The following RAD51B variants were observed in gnomAD, a reference collection of about 807,000 sequenced individuals.
The protein encoded by RAD51B is DNA repair protein RAD51 homolog 2.
Under a neutral mutation model 42.2 loss-of-function variants are expected in RAD51B, and 38 were observed. The observed-to-expected ratio is 0.90, with a 90% CI of 0.70 to 1.18. RAD51B has a LOEUF of 1.18. Ranked by LOEUF, RAD51B falls within the 50% of genes most tolerant of loss-of-function variation. The pLI is 0.00. For synonymous variants in RAD51B, 154 were observed against 145.2 expected, an observed-to-expected ratio of 1.06 and a Z score of -0.43; for missense variants, 373 against 400.7, an observed-to-expected ratio of 0.93 and a Z score of 0.59.
intron 7 of RAD51B, among the ~76,000 whole-genome samples, chr14:68,010,965 T>G (rs2075674061): frequency 6.6e-6 from 1 of 151,974 alleles, no homozygotes; most frequent in Non-Finnish European, 1.5e-5. Flanking sequence ...GATATAAGTT[T>G]CTTTGTAGTT....
At chr14:68,235,316 C>T (rs1223127953) in intron 7 of RAD51B, among the ~76,000 whole-genome samples, 1 of 151,800 alleles carries the variant, frequency 6.6e-6, no homozygotes, top group Non-Finnish European at 1.5e-5. Context: ...TAGCACATAA[C>T]TGTACTTGAA....
intron 7 of RAD51B, among the ~76,000 whole-genome samples, chr14:67,892,878 C>G (rs974756721): frequency 6.6e-5 from 10 of 152,258 alleles, no homozygotes; most frequent in Admixed American, 6.5e-4. Context: ...CAATTAAGCA[C>G]ATGCATGCGA....
At chr14:68,045,460 T>C (rs1336856839) in intron 7 of RAD51B, among the ~76,000 whole-genome samples, 1 of 152,136 alleles carries the variant, frequency 6.6e-6, no homozygotes, top group Non-Finnish European at 1.5e-5. Context: ...TGAGGGCAGA[T>C]CATTTAATTC....
chr14:68,233,467 T>C (rs760261008), intron 7 of RAD51B, among the ~76,000 whole-genome samples: 2 of 152,248 alleles, frequency 1.3e-5, no homozygotes, highest in Non-Finnish European at 2.9e-5. Context: ...ATAAGGTCCA[T>C]TCTCTTGCTT....
intron 7 of RAD51B, among the ~76,000 whole-genome samples, chr14:68,019,461 A>G (rs1234729349): frequency 1.3e-5 from 2 of 152,156 alleles, no homozygotes; most frequent in African/African-American, 2.4e-5. Flanking sequence ...AAAATGATTT[A>G]GGAGGTACAG....
At chr14:68,620,542 A>T (rs1337216583) in intron 10 of RAD51B, among the ~76,000 whole-genome samples, 2 of 152,232 alleles carry the variant, frequency 1.3e-5, no homozygotes, top group Non-Finnish European at 2.9e-5. Context: ...TCCTGGCCCC[A>T]GTGAACTATT....
intron 9 of RAD51B, among the ~76,000 whole-genome samples, chr14:68,422,546 C>T (rs1202407899): frequency 1.9e-5 from 2 of 106,784 alleles, no homozygotes; most frequent in African/African-American, 7.7e-5. Context: ...GGTGACATGG[C>T]GAGTCTCCAT....
chr14:67,845,369 A>G (rs1317321831), intron 4 of RAD51B, among the ~76,000 whole-genome samples: 3 of 152,148 alleles, frequency 2.0e-5, no homozygotes, highest in Admixed American at 1.3e-4. Context: ...TTGGCTGCAT[A>G]TGAAATTCTT....
intron 7 of RAD51B, among the ~76,000 whole-genome samples, chr14:68,132,000 A>G (rs563425004): frequency 6.6e-6 from 1 of 152,292 alleles, no homozygotes; most frequent in Non-Finnish European, 1.5e-5. Flanking sequence ...TACAGAGTCA[A>G]AGAGAAGAAG....
intron 8 of RAD51B, among the ~76,000 whole-genome samples, chr14:68,377,901 T>A (rs1441208934): frequency 6.6e-6 from 1 of 152,250 alleles, no homozygotes; most frequent in African/African-American, 2.4e-5. Flanking sequence ...TTAATGAGAT[T>A]TTAAACTTTT....
intron 11 of RAD51B, among the ~76,000 whole-genome samples, chr14:68,662,308 G>C (rs1892949743): frequency 6.6e-6 from 1 of 152,206 alleles, no homozygotes; most frequent in South Asian, 2.1e-4. Flanking sequence ...TTAGCCCCAA[G>C]GTTCCAGATG....
At chr14:68,635,622 C>T (rs982205212) in intron 10 of RAD51B, among the ~76,000 whole-genome samples, 12 of 151,740 alleles carry the variant, frequency 7.9e-5, no homozygotes, top group African/African-American at 1.7e-4. Flanking sequence ...AACTTGTTAC[C>T]AATATAAAAA....
chr14:67,987,251 C>T (rs1329821914), intron 7 of RAD51B, among the ~76,000 whole-genome samples: 1 of 152,092 alleles, frequency 6.6e-6, no homozygotes, highest in Admixed American at 6.5e-5. Flanking sequence ...TATCGTTACC[C>T]TATTTTGCTA....
At chr14:68,263,520 A>G (rs2080927687) in intron 7 of RAD51B, among the ~76,000 whole-genome samples, 1 of 152,232 alleles carries the variant, frequency 6.6e-6, no homozygotes, top group African/African-American at 2.4e-5. Context: ...TTCATTATCA[A>G]TACTTAATTC....
intron 10 of RAD51B, among the ~76,000 whole-genome samples, chr14:68,582,292 A>G (rs1007246478): frequency 6.6e-6 from 1 of 152,174 alleles, no homozygotes; most frequent in Non-Finnish European, 1.5e-5. Context: ...AATCTACAAA[A>G]AACTTAAACT....
intron 7 of RAD51B, among the ~76,000 whole-genome samples, chr14:67,898,391 A>T (rs1362821590): frequency 1.3e-5 from 2 of 152,252 alleles, no homozygotes; most frequent in Non-Finnish European, 2.9e-5. Context: ...AGTCAAACTC[A>T]TAGAGCAAAG....
At chr14:68,460,670 A>G (rs1167574320) in intron 9 of RAD51B, among the ~76,000 whole-genome samples, 3 of 152,214 alleles carry the variant, frequency 2.0e-5, no homozygotes, top group Non-Finnish European at 4.4e-5. Context: ...TGGGGTGACT[A>G]TGCCCAGCAC....
At chr14:68,567,627 T>C (rs1889488194) in intron 10 of RAD51B, among the ~76,000 whole-genome samples, 1 of 152,212 alleles carries the variant, frequency 6.6e-6, no homozygotes. Context: ...GCCCTAAAAA[T>C]CCTCTGTGCT....
chr14:68,154,101 G>T (rs2078449031), intron 7 of RAD51B, among the ~76,000 whole-genome samples: 1 of 152,170 alleles, frequency 6.6e-6, no homozygotes, highest in Admixed American at 6.5e-5. Flanking sequence ...ACTGTGAGTT[G>T]TATTTTCTTG....
Sources: allele counts gnomAD v4.1 joint callset (sites outside exome capture counted in the v4.1 genomes callset), GRCh38; gene constraint gnomAD v4.1.1; transcripts MANE v1.5; gene names NCBI Gene and HGNC (gene_info 2026-07-23, HGNC 2026-07-21).